The following ITFG2 variants were observed in gnomAD, a reference collection of about 807,000 sequenced individuals.
The protein encoded by ITFG2 is KICSTOR complex protein ITFG2.
ITFG2 carries 36 observed loss-of-function variants against 54.4 expected under a neutral mutation model. That is an observed-to-expected ratio of 0.66 (90% CI 0.51 to 0.87). The LOEUF (loss-of-function observed/expected upper bound fraction) is 0.87, where lower values mean the gene tolerates loss of function less well. Ranked by LOEUF, ITFG2 falls within the 40% of genes least tolerant of loss-of-function variation. The pLI, the probability that ITFG2 is intolerant of heterozygous loss-of-function variation, is 0.00. For synonymous variants in ITFG2, 211 were observed against 225.4 expected (o/e 0.94, Z 0.57); for missense variants, 524 against 576.7 (o/e 0.91, Z 0.94).
rs1486625668 is a variant in ITFG2 at position 2,820,198 on chromosome 12, C to G, written c.519C>G (p.Ser173=). Residue 173 remains serine (S), a synonymous_variant, in exon 5 of 12, where the codon TCC becomes TCG. Transcript: ENST00000228799. ...AACATCTGACAGGGCAGCTGGTGTC[C>G]CTCAAGAAATGGATGCTGGAGGGTC... ...GPEHLTGQLV[S]LKKWMLEGQV... 6.2e-7 allele frequency: 1 copy of G among 1,610,810 alleles called. No individual in the cohort carries two copies. Among genetic ancestry groups the G allele is most frequent in the East Asian group, 2.2e-5 (1 of 44,774 alleles).
intron 1 of ITFG2, among the ~76,000 whole-genome samples, chr12:2,815,945 G>A (rs1054079968): frequency 6.6e-6 from 1 of 151,894 alleles, no homozygotes; most frequent in African/African-American, 2.4e-5. Flanking sequence ...GCTCACTGCA[G>A]CTTCAGGTTC....
At position 2,820,804 on chromosome 12, in the gene ITFG2, TCTACTG is replaced by T; in HGVS notation, c.628_633del (p.Leu210_Leu211del). ...CTCAGCCAGGTTGTGCGTATGCAATTCTACTGTGTACCTGGAAAAAGGACACTGGGT... is the reference window on the plus strand; with the variant it reads ...CTCAGCCAGGTTGTGCGTATGCAATTTGTACCTGGAAAAAGGACACTGGGT... On this transcript the variant is annotated inframe_deletion, in exon 6 of 12. Transcript: ENST00000228799. 1 of 1,614,050 alleles carries T rather than the reference TCTACTG, an allele frequency of 6.2e-7. No homozygotes were observed. The highest frequency in any genetic ancestry group is 8.5e-7 in the Non-Finnish European group (1 of 1,179,958).
At chr12:2,855,450 G>C in intron 2 of ITFG2, 1 of 1,432,312 alleles carries the variant, frequency 7.0e-7, no homozygotes, top group Non-Finnish European at 9.2e-7. Flanking sequence ...GGACCATCTA[G>C]GGAGAGACAA....
chr12:2,855,114 C>T (rs996339409), intron 2 of ITFG2: 40 of 1,533,864 alleles, frequency 2.6e-5, no homozygotes, highest in East Asian at 9.8e-5. Flanking sequence ...TGGGGTGCTC[C>T]GTGGGGGGGC....
rs181968456 is a variant in ITFG2 at position 2,819,988 on chromosome 12, G to T, written c.407-98G>T. On this transcript the variant is annotated intron_variant, in intron 4 of 11. Coordinates refer to ENST00000228799, the MANE Select transcript of ITFG2 (RefSeq NM_018463.4). ...GGTGAAGTGAGTAGCACCGCAGATC[G>T]GGTGTGAAGCCGCACTGGCTGGAAG... The T allele has an allele frequency of 2.1e-6, 3 of 1,450,838 alleles. No individual in the cohort carries two copies. In the African/African-American group the frequency reaches 4.3e-5, roughly 21 times the overall value. The allele number at this position is 1,450,838 out of a possible 1,614,324, so 89.9% of individuals were successfully genotyped here. A position where few individuals can be genotyped will look rare whatever the true frequency, so the allele number is the denominator to read the frequency against.
At chr12:2,821,184 C>A in intron 6 of ITFG2, 78 bp from the exon 7 acceptor site, 1 of 1,137,090 alleles carries the variant, frequency 8.8e-7, no homozygotes, top group Non-Finnish European at 1.3e-6. Flanking sequence ...GAAGCTCTTG[C>A]AGGGATAGGG....
At chr12:2,831,812 G>T (rs1011300541), upstream of ITFG2, among the ~76,000 whole-genome samples, 1 of 151,768 alleles carries the variant, frequency 6.6e-6, no homozygotes, top group Non-Finnish European at 1.5e-5. Flanking sequence ...GCCCAGACTG[G>T]ACTCTAATTC....
At chr12:2,850,567 C>G (rs1279662379) in intron 2 of ITFG2, among the ~76,000 whole-genome samples, 1 of 151,972 alleles carries the variant, frequency 6.6e-6, no homozygotes, top group Non-Finnish European at 1.5e-5. Flanking sequence ...CAAGATCATG[C>G]TTACATCTCA....
At chr12:2,834,787 G>C, upstream of ITFG2, 1 of 1,613,636 alleles carries the variant, frequency 6.2e-7, no homozygotes, top group Non-Finnish European at 8.5e-7. Context: ...CTGCCCCCTC[G>C]TCCTGGCTTC....
At chr12:2,830,929 C>T (rs937721679), downstream of ITFG2, 10 of 1,539,308 alleles carry the variant, frequency 6.5e-6, no homozygotes. Context: ...TCAGTTACCC[C>T]ACTTAGATAC....
At chr12:2,817,505 C>T (rs779688603) in intron 2 of ITFG2, 187 bp downstream of exon 2, 124 of 586,038 alleles carry the variant, frequency 2.1e-4, no homozygotes, top group Non-Finnish European at 3.4e-4. Flanking sequence ...CATCTGTCCT[C>T]ACACACGCGT....
At position 2,823,866 on chromosome 12, in the gene ITFG2, G is replaced by A. The variant is rs369647396; in HGVS notation, c.1163G>A (p.Arg388Gln). ...IYVYWEVQLE[R>Q]MESTNLVKLL... The stretch of plus-strand genomic sequence containing the variant: ...GTGTACTGGGAGGTGCAGCTGGAGC[G>A]GATGGAGTCTACCAATCTGGTGAAA... The change falls in exon 11 of 12, where the codon CGG becomes CAG. Residue 388 changes from arginine (R) to glutamine (Q), a missense_variant. Arg to Gln is a conservative substitution (Grantham distance 43). Transcript: ENST00000228799. 1.2e-5 allele frequency: 19 copies of A among 1,613,464 alleles called. No individual in the cohort carries two copies. The African/African-American group carries it at 1.3e-4, about 11-fold the overall frequency.
chr12:2,822,597 A>G (rs1408667768), intron 9 of ITFG2, among the ~76,000 whole-genome samples, 197 bp from the exon 10 acceptor site: 1 of 152,044 alleles, frequency 6.6e-6, no homozygotes, highest in African/African-American at 2.4e-5. Context: ...GAGTGACTCT[A>G]TTTCTATGAG....
At position 2,847,763 on chromosome 12, in the gene ITFG2, T is replaced by C. The variant is rs190975741; in HGVS notation, n.300+6768T>C. Among the ~76,000 whole-genome samples the C allele has an allele frequency of 3.2e-3, 491 of 152,292 alleles. 7 individuals are homozygous for C. Among genetic ancestry groups the C allele is most frequent in the African/African-American group, 0.011 (467 of 41,556 alleles). The stretch of plus-strand genomic sequence containing the variant: ...TATTCAACTTTCTGTCTCTATACGT[T>C]TGCCTATTCTAGGTACCTCACGTAG... On this transcript the variant is annotated intron_variant and non_coding_transcript_variant, in intron 2 of 3. Transcript: ENST00000537710.
chr12:2,842,900 C>G (rs1381058428), intron 2 of ITFG2, among the ~76,000 whole-genome samples: 6 of 152,116 alleles, frequency 3.9e-5, no homozygotes, highest in African/African-American at 7.2e-5. Flanking sequence ...ATTCAAAGTT[C>G]ATGCCCTCTT....
intron 2 of ITFG2, among the ~76,000 whole-genome samples, chr12:2,856,511 G>A (rs569167902): frequency 7.9e-5 from 12 of 152,080 alleles, no homozygotes; most frequent in South Asian, 2.1e-4. Flanking sequence ...GATTACAGGC[G>A]CGTGCCACCA....
intron 2 of ITFG2, among the ~76,000 whole-genome samples, chr12:2,851,862 A>G (rs1462250362): frequency 2.0e-5 from 3 of 149,512 alleles, no homozygotes; most frequent in African/African-American, 4.9e-5. Context: ...TATTTGTAGT[A>G]GAGAGAGGGT....
At chr12:2,847,438 T>C (rs985962246) in intron 2 of ITFG2, among the ~76,000 whole-genome samples, 7 of 151,812 alleles carry the variant, frequency 4.6e-5, no homozygotes, top group African/African-American at 7.3e-5. Flanking sequence ...GAGGCCGAGG[T>C]GGGCGGATCA....
At chr12:2,858,887 G>A in intron 3 of ITFG2, 1 of 1,614,092 alleles carries the variant, frequency 6.2e-7, no homozygotes, top group South Asian at 1.1e-5. Context: ...TGAGGTCTAA[G>A]GGTTCTGAAC....
Sources: allele counts gnomAD v4.1 joint callset (sites outside exome capture counted in the v4.1 genomes callset), GRCh38; gene constraint gnomAD v4.1.1; transcripts MANE v1.5; gene names NCBI Gene and HGNC (gene_info 2026-07-23, HGNC 2026-07-21).